Variants in GFPT2 observed in about 807,000 individuals in gnomAD.
GFPT2 encodes glutamine--fructose-6-phosphate transaminase 2, also known as glutamine--fructose-6-phosphate aminotransferase [isomerizing] 2.
A neutral mutation model predicts 85.6 loss-of-function variants in GFPT2; 62 were observed. The ratio of observed to expected loss-of-function variants is 0.72; its 90% CI spans 0.59 to 0.90. The LOEUF is 0.90. GFPT2 is among the 40% of genes least tolerant of loss of function. GFPT2 has a pLI of 0.00. For missense variants in GFPT2, 788 were observed against 893.4 expected, an observed-to-expected ratio of 0.88 and a Z score of 1.50; for synonymous variants, 368 against 344.5, an observed-to-expected ratio of 1.07 and a Z score of -0.75.
intron 15 of GFPT2, 35 bp from the exon 16 acceptor site, chr5:180,307,338 T>C: frequency 6.2e-7 from 1 of 1,610,560 alleles, no homozygotes; most frequent in East Asian, 2.2e-5. Context: ...AGAAAACCAG[T>C]CAGGCCGACT....
chr5:180,350,875 G>C (rs1764698500), intron 1 of GFPT2, among the ~76,000 whole-genome samples: 1 of 152,188 alleles, frequency 6.6e-6, no homozygotes, highest in Non-Finnish European at 1.5e-5. Context: ...AGTGTCATCA[G>C]CCAAGTGATA....
At chr5:180,302,214 G>A (rs1432112471) in intron 18 of GFPT2, among the ~76,000 whole-genome samples, 1 of 151,252 alleles carries the variant, frequency 6.6e-6, no homozygotes, top group Non-Finnish European at 1.5e-5. Flanking sequence ...TTGAACCCAG[G>A]AGGTGGAGCT....
In GFPT2 at chr5:180,310,154, G is replaced by A. The variant is rs576971681; in HGVS notation, c.1546+2276C>T. ...TCTCGCTCTTGTCGCCCAGGCTGGAGTACAATGGCACAATCTCGGCTCACT... is the reference window on the plus strand; with the variant it reads ...TCTCGCTCTTGTCGCCCAGGCTGGAATACAATGGCACAATCTCGGCTCACT... On this transcript the variant is annotated intron_variant, in intron 15 of 18. Coordinates refer to ENST00000253778, the MANE Select transcript of GFPT2 (RefSeq NM_005110.4). 3.2e-3 allele frequency among the ~76,000 whole-genome samples: 489 copies of A among 152,066 alleles called. 2 individuals are homozygous for A. The highest frequency in any genetic ancestry group is 0.01 in the Middle Eastern group (3 of 294).
intron 17 of GFPT2, 51 bp downstream of exon 17, chr5:180,304,721 G>C (rs1240031723): frequency 2.0e-6 from 3 of 1,511,178 alleles, no homozygotes; most frequent in Non-Finnish European, 2.7e-6. Context: ...AGGTGGGCAT[G>C]CATGGGGAAA....
intron 10 of GFPT2, among the ~76,000 whole-genome samples, chr5:180,317,722 G>C (rs1374867876): frequency 9.7e-6 from 1 of 102,646 alleles, no homozygotes; most frequent in African/African-American, 4.4e-5. Context: ...TCGCGCCACA[G>C]CACTCCAGCC....
chr5:180,336,347 G>A (rs903244539), intron 3 of GFPT2, 132 bp downstream of exon 3: 19 of 713,848 alleles, frequency 2.7e-5, no homozygotes, highest in South Asian at 2.1e-4. Context: ...TTTACAGCAC[G>A]GGCTTAGCCC....
chr5:180,308,234 C>A (rs1421373016), intron 15 of GFPT2, among the ~76,000 whole-genome samples: 2 of 143,946 alleles, frequency 1.4e-5, no homozygotes, highest in Non-Finnish European at 3.0e-5. Flanking sequence ...CCAGCCTGGG[C>A]AACAGAGCGA....
intron 1 of GFPT2, among the ~76,000 whole-genome samples, chr5:180,350,460 C>A (rs960285447): frequency 3.9e-5 from 6 of 152,236 alleles, no homozygotes; most frequent in Admixed American, 2.0e-4. Context: ...TCCACAGCAG[C>A]ACTGCCCTGA....
At chr5:180,339,323 T>A (rs1764463664) in intron 1 of GFPT2, among the ~76,000 whole-genome samples, 1 of 138,016 alleles carries the variant, frequency 7.2e-6, no homozygotes, top group Non-Finnish European at 1.5e-5. Context: ...GAGGTTGCAG[T>A]GAGCCGAGAT....
intron 1 of GFPT2, among the ~76,000 whole-genome samples, chr5:180,348,441 C>T (rs34778234): frequency 0.072 from 10,969 of 152,310 alleles, 554 homozygotes; most frequent in African/African-American, 0.14. Context: ...GCAGGGATGA[C>T]AATTCCTGCC....
chr5:180,330,879 A>G lies in GFPT2; in HGVS notation c.400-45T>C, dbSNP rs1764289233. 1 of 1,589,362 alleles carries G rather than the reference A, an allele frequency of 6.3e-7. No individual in the cohort carries two copies. Among genetic ancestry groups the G allele is most frequent in the African/African-American group, 1.3e-5 (1 of 74,576 alleles). On this transcript the variant is annotated intron_variant, in intron 5 of 18. Coordinates refer to ENST00000253778, the MANE Select transcript of GFPT2 (RefSeq NM_005110.4). The surrounding 1 kb of genome is among the most constrained non-coding windows in gnomAD (Gnocchi z 4.4). ...CAGTGTGAGAGATTGGTCATTGCAC[A>G]ATGCCTGCCTGGCCAACTCCCTCTC...
At position 180,318,935 on chromosome 5, in the gene GFPT2, GT is replaced by G. The variant is rs772013308; in HGVS notation, c.815del (p.Asn272ThrfsTer47). 6.2e-7 allele frequency: 1 copy of G among 1,613,200 alleles called. No individual in the cohort carries two copies. On this transcript the variant is annotated frameshift_variant, in exon 10 of 19. Transcript: ENST00000253778. LOFTEE classifies it high-confidence loss of function. The surrounding 1 kb of genome is among the most constrained non-coding windows in gnomAD (Gnocchi z 4.2). Reference sequence around the variant, plus strand: ...CATCGTCCTCCAGGAAGATGACCCGGTTGGTGTGCTCTATGATAGCGCTGGG... The same window carrying G: ...CATCGTCCTCCAGGAAGATGACCCGGTGGTGTGCTCTATGATAGCGCTGGG... Reference protein sequence around the residue: ...SDASAIIEHTNRVIFLEDDDI... With the variant: ...SDASAIIEHTXRVIFLEDDDI...
At position 180,330,741 on chromosome 5, in the gene GFPT2, T is replaced by G; in HGVS notation, c.493A>C (p.Ile165Leu). 6.2e-7 allele frequency: 1 copy of G among 1,613,208 alleles called. No homozygotes were observed. The highest frequency in any genetic ancestry group is 1.1e-5 in the South Asian group (1 of 91,052). Residue 165 changes from isoleucine (I) to leucine (L), a missense_variant, in exon 6 of 19, where the codon ATT becomes CTT. Ile to Leu is a conservative substitution (Grantham distance 5). Coordinates refer to ENST00000253778, the MANE Select transcript of GFPT2 (RefSeq NM_005110.4). The surrounding 1 kb of genome is among the most constrained non-coding windows in gnomAD (Gnocchi z 4.4). ...CTCTCGACCAACGTTGAAAACGTAATGTCCTCAGTTTCTCTGTTGTCGAAC... is the reference window on the plus strand; with the variant it reads ...CTCTCGACCAACGTTGAAAACGTAAGGTCCTCAGTTTCTCTGTTGTCGAAC... ...YVFDNRETED[I>L]TFSTLVERVI...
intron 14 of GFPT2, among the ~76,000 whole-genome samples, chr5:180,312,904 G>A (rs1393003168): frequency 6.6e-6 from 1 of 151,850 alleles, no homozygotes; most frequent in Admixed American, 6.6e-5. Flanking sequence ...AGCCTCCCGA[G>A]TAGCTGGGAT....
At position 180,308,766 on chromosome 5, in the gene GFPT2, T is replaced by C. The variant is rs534597834; in HGVS notation, c.1547-1463A>G. 2.6e-5 allele frequency among the ~76,000 whole-genome samples: 4 copies of C among 152,346 alleles called. No homozygotes were observed. In the East Asian group the frequency reaches 7.7e-4, roughly 29 times the overall value. ...ACAAGTGCATAACTCTGTGACATCG[T>C]GAACTGGCCACAAAGGTATGTAAAT... On this transcript the variant is annotated intron_variant, in intron 15 of 18. Transcript: ENST00000253778.
chr5:180,303,225 G>GC (rs1561870326), intron 17 of GFPT2, among the ~76,000 whole-genome samples: 2 of 127,348 alleles, frequency 1.6e-5, no homozygotes, highest in East Asian at 4.7e-4. Context: ...GCCAGACTCC[G>GC]TCACAAAAAA....
intron 9 of GFPT2, among the ~76,000 whole-genome samples, chr5:180,320,929 T>C (rs1464782929): frequency 1.3e-5 from 2 of 152,134 alleles, no homozygotes; most frequent in Non-Finnish European, 2.9e-5. Context: ...GAAAGAAAGA[T>C]GGCAAGCCAC....
At chr5:180,314,038 C>T in intron 13 of GFPT2, 74 bp from the exon 14 acceptor site, 4 of 1,415,580 alleles carry the variant, frequency 2.8e-6, no homozygotes, top group South Asian at 1.4e-5. Flanking sequence ...CCTCCTTCAC[C>T]GCCGGCTCTT....
rs1212770516 is a variant in GFPT2, at chr5:180,324,817, C to G, written c.675G>C (p.Thr225=). 1 of 1,586,480 alleles carries G rather than the reference C, an allele frequency of 6.3e-7. No homozygotes were observed. Among genetic ancestry groups the G allele is most frequent in the Non-Finnish European group, 8.7e-7 (1 of 1,154,808 alleles). The change falls in exon 8 of 19, where the codon ACG becomes ACC. Residue 225 remains threonine, a splice_region_variant and synonymous_variant. Transcript: ENST00000253778. The part of the protein sequence containing the change: ...STEQIPILYR[T]CTLENVKNIC... ...TCCGGTACTTCTTGAGAAACTTACA[C>G]GTCCTGTATAAGATAGGGATCTGTT...
Sources: gnomAD v4.1 joint callset for allele counts (sites outside exome capture counted in the v4.1 genomes callset) on GRCh38, gnomAD v4.1.1 for gene constraint, Gnocchi (gnomAD v3.1) non-coding constraint, MANE v1.5 for transcripts, NCBI Gene and HGNC (gene_info 2026-07-23, HGNC 2026-07-21) for gene names.